Variants in DNAAF8 observed in about 807,000 individuals in gnomAD.
DNAAF8 encodes the protein dynein axonemal assembly factor 8.
In DNAAF8, 61 loss-of-function variants were observed where a neutral mutation model predicts 54.6. The ratio of observed to expected loss-of-function variants is 1.12; its 90% CI spans 0.91 to 1.38. The LOEUF is 1.38. Ranked by LOEUF, DNAAF8 falls within the 40% of genes most tolerant of loss-of-function variation. The probability of loss-of-function intolerance (pLI) is 0.00; values close to 1 mark genes in which losing one functional copy is unlikely to be tolerated. For synonymous variants in DNAAF8, 320 were observed against 270.1 expected, an observed-to-expected ratio of 1.18 and a Z score of -1.81; for missense variants, 837 against 665.0, an observed-to-expected ratio of 1.26 and a Z score of -2.85.
chr16:4,737,717 G>A, intron 2 of DNAAF8, 83 bp from the exon 3 acceptor site: 3 of 1,507,204 alleles, frequency 2.0e-6, no homozygotes, highest in East Asian at 2.3e-5. Context: ...AAGTGAGAGT[G>A]GAGAGTGGAG....
chr16:4,740,710 T>C lies in DNAAF8; in HGVS notation c.783+51T>C, dbSNP rs1387081195. ...TTTCTCAGGCCTGTTACCTGTGGCA[T>C]GGCTGCTGTTCCCATGCACTGGAGC... On this transcript the variant is annotated intron_variant, in intron 4 of 9. Transcript: ENST00000299320. 9.9e-6 allele frequency: 15 copies of C among 1,510,468 alleles called. No homozygotes were observed. In the African/African-American group the frequency reaches 1.2e-4, roughly 13 times the overall value. The allele number at this position is 1,510,468 out of a possible 1,614,324, so 93.6% of individuals were successfully genotyped here.
At chr16:4,745,378 T>C (rs2082001690) in intron 6 of DNAAF8, among the ~76,000 whole-genome samples, 1 of 152,152 alleles carries the variant, frequency 6.6e-6, no homozygotes. Context: ...GCTCTGGGCA[T>C]GTGACCCCAG....
intron 4 of DNAAF8, among the ~76,000 whole-genome samples, chr16:4,740,920 C>G (rs186031977): frequency 1.3e-5 from 2 of 152,134 alleles, no homozygotes; most frequent in African/African-American, 4.8e-5. Flanking sequence ...CACAGCGGCT[C>G]GCACCTGTAA....
rs777500019 is a variant in DNAAF8, at chr16:4,747,633, A to G, written c.*8A>G. 3 of 1,596,210 alleles carry G rather than the reference A, an allele frequency of 1.9e-6. No individual in the cohort carries two copies. The highest frequency in any genetic ancestry group is 2.2e-5 in the South Asian group (2 of 90,244). ...CCTCTGGAGCAACTATAGCTGCCTC[A>G]GGTAGTGGGATCCCAGGAGTGGGCA... On this transcript the variant is annotated splice_region_variant and 3_prime_UTR_variant, in exon 9 of 10. Coordinates refer to ENST00000299320, the MANE Select transcript of DNAAF8 (RefSeq NM_139170.3).
At chr16:4,744,735 G>A in intron 5 of DNAAF8, 135 bp from the exon 6 acceptor site, 1 of 1,129,504 alleles carries the variant, frequency 8.9e-7, no homozygotes, top group East Asian at 2.5e-5. Context: ...AGTAGGGAGA[G>A]GGCTGGGCGG....
intron 5 of DNAAF8, 60 bp downstream of exon 5, chr16:4,743,220 C>A: frequency 2.3e-6 from 3 of 1,279,628 alleles, no homozygotes; most frequent in South Asian, 1.3e-5. Flanking sequence ...TCCTGGGCCC[C>A]TCAGACACAG....
intron 4 of DNAAF8, among the ~76,000 whole-genome samples, chr16:4,741,612 C>T (rs184343952): frequency 1.7e-3 from 266 of 152,162 alleles, no homozygotes; most frequent in African/African-American, 6.1e-3. Flanking sequence ...GCAGCCTGGC[C>T]AACATGGTGA....
chr16:4,738,026 C>G (rs2081917747), intron 3 of DNAAF8, 80 bp downstream of exon 3: 1 of 1,471,984 alleles, frequency 6.8e-7, no homozygotes, highest in African/African-American at 1.4e-5. Flanking sequence ...ACTGTTCTAG[C>G]ATTTCCACGA....
At chr16:4,747,265 T>C (rs1034850370) in intron 8 of DNAAF8, 78 bp from the exon 9 acceptor site, 3 of 1,473,206 alleles carry the variant, frequency 2.0e-6, no homozygotes, top group Non-Finnish European at 2.7e-6. Context: ...CTCATCTGCT[T>C]TTCTCCTGTT....
At position 4,740,393 on chromosome 16, in the gene DNAAF8, A is replaced by T. The variant is rs879077105; in HGVS notation, c.517A>T (p.Thr173Ser). 6 of 1,613,586 alleles carry T rather than the reference A, an allele frequency of 3.7e-6. No individual in the cohort carries two copies. The South Asian group carries it at 6.6e-5, about 18-fold the overall frequency. The change falls in exon 4 of 10, where the codon ACT becomes TCT. Residue 173 changes from threonine (T) to serine (S), a missense_variant. Coordinates refer to ENST00000299320, the MANE Select transcript of DNAAF8 (RefSeq NM_139170.3). The part of the protein sequence containing the change: ...GPPWDPQAEA[T>S]LSCHEGDPKA... ...TCCCTGGGACCCACAGGCCGAAGCCACTCTCTCCTGCCATGAAGGAGACCC... is the reference window on the plus strand; with the variant it reads ...TCCCTGGGACCCACAGGCCGAAGCCTCTCTCTCCTGCCATGAAGGAGACCC...
chr16:4,735,176 C>T (rs1411805320), intron 1 of DNAAF8: 1 of 152,312 alleles, frequency 6.6e-6, no homozygotes, highest in Non-Finnish European at 1.5e-5. Context: ...TAATGCCGTT[C>T]CCTCCCCTAT....
At chr16:4,739,696 G>A (rs2081939639) in intron 3 of DNAAF8, among the ~76,000 whole-genome samples, 1 of 151,058 alleles carries the variant, frequency 6.6e-6, no homozygotes. Context: ...TTACACGCAC[G>A]CCACTGTGCT....
intron 8 of DNAAF8, 87 bp from the exon 9 acceptor site, chr16:4,747,256 T>G (rs1424411276): frequency 6.9e-7 from 1 of 1,441,510 alleles, no homozygotes; most frequent in Non-Finnish European, 9.4e-7. Context: ...GGAGCTGGGC[T>G]CATCTGCTTT....
chr16:4,747,152 G>A (rs933829080), intron 8 of DNAAF8, 127 bp downstream of exon 8: 2 of 1,208,406 alleles, frequency 1.7e-6, no homozygotes, highest in East Asian at 2.4e-5. Flanking sequence ...GGGTGAGGGG[G>A]ACGGCACAGC....
intron 4 of DNAAF8, among the ~76,000 whole-genome samples, chr16:4,741,616 A>G (rs1004168975): frequency 2.2e-4 from 34 of 152,268 alleles, no homozygotes; most frequent in Admixed American, 7.8e-4. Context: ...CCTGGCCAAC[A>G]TGGTGAAACC....
At chr16:4,739,698 C>G (rs1372992672) in intron 3 of DNAAF8, among the ~76,000 whole-genome samples, 2 of 151,564 alleles carry the variant, frequency 1.3e-5, no homozygotes, top group East Asian at 3.9e-4. Flanking sequence ...ACACGCACGC[C>G]ACTGTGCTGG....
At chr16:4,735,912 T>C (rs1310278505) in intron 1 of DNAAF8, among the ~76,000 whole-genome samples, 3 of 152,172 alleles carry the variant, frequency 2.0e-5, no homozygotes, top group African/African-American at 4.8e-5. Flanking sequence ...GCTATCATTG[T>C]ACCACTGCAC....
Position 4,737,879 on chromosome 16 carries a change from C to G in DNAAF8, c.209C>G (p.Ala70Gly). The change falls in exon 3 of 10, where the codon GCT becomes GGT. Residue 70 changes from alanine (A) to glycine (G), a missense_variant. Physicochemically the swap from Ala to Gly is moderately conservative, Grantham distance 60 (BLOSUM62 0). Transcript: ENST00000299320. ...SLIPDLSEELAEDPADGDKSR... is the reference protein window; with the variant it reads ...SLIPDLSEELGEDPADGDKSR... ...ATTCCAGACCTGTCGGAGGAGCTGG[C>G]TGAAGATCCTGCCGATGGCGACAAG... The G allele has an allele frequency of 6.2e-7, 1 of 1,614,186 alleles. No homozygotes were observed. Among genetic ancestry groups the G allele is most frequent in the Non-Finnish European group, 8.5e-7 (1 of 1,180,010 alleles).
At chr16:4,734,772 G>A (rs1250620022) in intron 1 of DNAAF8, 74 bp downstream of exon 1, 4 of 152,268 alleles carry the variant, frequency 2.6e-5, no homozygotes, top group Non-Finnish European at 5.9e-5. Context: ...GGGGGTGGGT[G>A]AGAGGAGGAG....
Sources: allele counts gnomAD v4.1 joint callset (sites outside exome capture counted in the v4.1 genomes callset), GRCh38; gene constraint gnomAD v4.1.1; transcripts MANE v1.5; gene names NCBI Gene and HGNC (gene_info 2026-07-23, HGNC 2026-07-21).